The following SULF2 variants were observed in gnomAD, a reference collection of about 807,000 sequenced individuals.
The protein encoded by SULF2 is sulfatase 2.
SULF2 carries 52 observed loss-of-function variants against 107.7 expected under a neutral mutation model. That is an observed-to-expected ratio of 0.48 (90% CI 0.39 to 0.61). The LOEUF (loss-of-function observed/expected upper bound fraction) is 0.61, where lower values mean the gene tolerates loss of function less well. Among genes scored for constraint, SULF2 ranks in the 20% least tolerant of loss-of-function variants. SULF2 has a pLI of 0.00. For synonymous variants in SULF2, 460 were observed against 464.3 expected, an observed-to-expected ratio of 0.99 and a Z score of 0.12; for missense variants, 993 against 1,177.3, an observed-to-expected ratio of 0.84 and a Z score of 2.29.
At chr20:47,727,818 G>A (rs914428824) in intron 3 of SULF2, among the ~76,000 whole-genome samples, 12 of 152,242 alleles carry the variant, frequency 7.9e-5, no homozygotes, top group Admixed American at 6.5e-4. Context: ...TCACAAGGGC[G>A]CTTAAGGCGG....
intron 5 of SULF2, among the ~76,000 whole-genome samples, chr20:47,688,656 G>C (rs546458061): frequency 6.6e-6 from 1 of 152,310 alleles, no homozygotes; most frequent in South Asian, 2.1e-4. Context: ...TGGGTGGAGA[G>C]GAGTGGGCTT....
chr20:47,672,058 G>T, intron 11 of SULF2, 140 bp downstream of exon 11: 1 of 814,688 alleles, frequency 1.2e-6, no homozygotes, highest in South Asian at 1.8e-5. Flanking sequence ...GGCTCGTGAG[G>T]AGATGTGGCT....
chr20:47,674,196 C>T (rs6018630), intron 10 of SULF2, among the ~76,000 whole-genome samples: 81,613 of 152,220 alleles, frequency 0.54, 22,167 homozygotes, highest in East Asian at 0.65. Context: ...GGGTTTGCTG[C>T]CCCTGCAACT....
Position 47,781,327 on chromosome 20 carries a change from C to T in SULF2, c.-101+4016G>A, listed in dbSNP as rs117789039. Among the ~76,000 whole-genome samples the T allele has an allele frequency of 8.4e-3, 1,284 of 152,370 alleles. 23 individuals carry two copies. Among genetic ancestry groups the T allele is most frequent in the Non-Finnish European group, 0.01 (687 of 68,048 alleles). ...ACTGGCCATCTGCCTCTCCAGCAAC[C>T]GGGCTTCCCTTTCACTGGGGACTCC... On this transcript the variant is annotated intron_variant, in intron 1 of 20. Transcript: ENST00000688720.
intron 1 of SULF2, among the ~76,000 whole-genome samples, chr20:47,776,438 A>G (rs373367626): frequency 1.4e-4 from 21 of 152,134 alleles, no homozygotes; most frequent in African/African-American, 4.8e-4. Flanking sequence ...TTCCACATTC[A>G]CAGGAGCGCG....
intron 3 of SULF2, chr20:47,706,365 G>A (rs1036144964): frequency 6.6e-6 from 1 of 152,120 alleles, no homozygotes; most frequent in Admixed American, 6.6e-5. Context: ...TACAGCAGAG[G>A]TCACCAAACC....
chr20:47,738,192 G>C (rs567961189), intron 2 of SULF2, among the ~76,000 whole-genome samples: 1 of 152,340 alleles, frequency 6.6e-6, no homozygotes, highest in South Asian at 2.1e-4. Context: ...TGTGTGCTCC[G>C]CTCAGCGCTG....
chr20:47,766,541 C>T (rs904660539), intron 1 of SULF2, among the ~76,000 whole-genome samples: 1 of 152,188 alleles, frequency 6.6e-6, no homozygotes, highest in African/African-American at 2.4e-5. Flanking sequence ...ACCCAGTTAC[C>T]TGCCTAACTA....
chr20:47,658,209 C>G lies in SULF2; in HGVS notation c.*153G>C. On this transcript the variant is annotated 3_prime_UTR_variant, in exon 21 of 21. Transcript: ENST00000688720. ...ATCTCTGCTCCTGCTGGTTATCCTC[C>G]AGAATCTGTCATGTTGACTGAGAGT... is the stretch of plus-strand genomic sequence containing the variant. 1 of 756,852 alleles carries G rather than the reference C, an allele frequency of 1.3e-6. No homozygotes were observed. The highest frequency in any genetic ancestry group is 1.6e-5 in the South Asian group (1 of 63,030). The allele number at this position is 756,852 out of a possible 1,614,324, so 46.9% of individuals were successfully genotyped here. A position where few individuals can be genotyped will look rare whatever the true frequency, so the allele number is the denominator to read the frequency against.
chr20:47,741,966 C>T (rs2089893657), intron 2 of SULF2, among the ~76,000 whole-genome samples: 1 of 152,258 alleles, frequency 6.6e-6, no homozygotes, highest in South Asian at 2.1e-4. Context: ...CCTTCCTCCT[C>T]ATTCCAGAGG....
chr20:47,711,336 GT>G (rs2088920821), intron 3 of SULF2, among the ~76,000 whole-genome samples: 1 of 152,196 alleles, frequency 6.6e-6, no homozygotes, highest in Non-Finnish European at 1.5e-5. Context: ...AAAGGACTTT[GT>G]CCCCTGTGGT....
At chr20:47,737,944 A>G (rs940082604) in intron 2 of SULF2, among the ~76,000 whole-genome samples, 3 of 151,524 alleles carry the variant, frequency 2.0e-5, no homozygotes, top group Non-Finnish European at 4.4e-5. Context: ...ACGTTTCGCC[A>G]TGTTGGCCAG....
intron 4 of SULF2, among the ~76,000 whole-genome samples, chr20:47,698,829 C>T (rs1334916974): frequency 3.3e-5 from 5 of 151,994 alleles, no homozygotes; most frequent in Admixed American, 1.3e-4. Context: ...ATTGGGAGTT[C>T]GAGACCAGCC....
At chr20:47,659,355 G>T in intron 20 of SULF2, 44 bp downstream of exon 20, 1 of 1,572,032 alleles carries the variant, frequency 6.4e-7, no homozygotes, top group Non-Finnish European at 8.8e-7. Flanking sequence ...AAAATGAAGC[G>T]GTCAGAACCA....
chr20:47,757,344 AC>A lies in SULF2; in HGVS notation c.19del (p.Val7CysfsTer25). ...CACAGTTGCGGACAGCAAGCACAGC[AC>A]GAGGCTCGGGGGGCCCATCTTCTTT... The part of the protein sequence containing the change: MGPPSL[V>X]LCLLSATVFS... On this transcript the variant is annotated frameshift_variant, in exon 2 of 21. Coordinates refer to ENST00000688720, the MANE Select transcript of SULF2 (RefSeq NM_001387048.1). LOFTEE classifies it high-confidence loss of function. 6.3e-7 allele frequency: 1 copy of A among 1,599,590 alleles called. No homozygotes were observed. Among genetic ancestry groups the A allele is most frequent in the Non-Finnish European group, 8.5e-7 (1 of 1,171,872 alleles).
chr20:47,773,722 G>A (rs1410787389), intron 1 of SULF2, among the ~76,000 whole-genome samples: 2 of 152,236 alleles, frequency 1.3e-5, no homozygotes, highest in Admixed American at 1.3e-4. Context: ...AATAAAGTCC[G>A]ACTTGAACAG....
chr20:47,690,787 T>C (rs1039510501), intron 4 of SULF2, among the ~76,000 whole-genome samples: 13 of 149,914 alleles, frequency 8.7e-5, no homozygotes, highest in Non-Finnish European at 1.5e-4. Context: ...GAGAATCGCT[T>C]GAACACAGGA....
Position 47,767,609 on chromosome 20 carries a change from C to G in SULF2, c.-100-10146G>C, listed in dbSNP as rs556192949. ...TGGTTAATGCGGTGAAACCCCATCT[C>G]TACTAAAAATAAAAAATTAGCTGGG... On this transcript the variant is annotated intron_variant, in intron 1 of 20. Transcript: ENST00000688720. Among the ~76,000 whole-genome samples, 16 of 152,250 alleles carry G rather than the reference C, an allele frequency of 1.1e-4. No individual in the cohort carries two copies. In the South Asian group the frequency reaches 3.3e-3, roughly 32 times the overall value.
chr20:47,689,167 A>G (rs1265847302), intron 5 of SULF2, among the ~76,000 whole-genome samples: 2 of 152,094 alleles, frequency 1.3e-5, no homozygotes, highest in Admixed American at 6.5e-5. Context: ...CAGTTTCTTC[A>G]TCTGTAAAAT....
Sources: allele counts gnomAD v4.1 joint callset (sites outside exome capture counted in the v4.1 genomes callset), GRCh38; gene constraint gnomAD v4.1.1; transcripts MANE v1.5; gene names NCBI Gene and HGNC (gene_info 2026-07-23, HGNC 2026-07-21).